Variants in ATP8A2 observed in about 807,000 individuals in gnomAD.
ATP8A2 encodes phospholipid-transporting ATPase IB.
In ATP8A2, 100 loss-of-function variants were observed where a neutral mutation model predicts 165.6. The ratio of observed to expected loss-of-function variants is 0.60; its 90% CI spans 0.51 to 0.71. ATP8A2 has a LOEUF of 0.71. Ranked by LOEUF, ATP8A2 falls within the 30% of genes least tolerant of loss-of-function variation. ATP8A2 has a pLI of 0.00. For synonymous variants in ATP8A2, 543 were observed against 548.8 expected, an observed-to-expected ratio of 0.99 and a Z score of 0.15; for missense variants, 1,227 against 1,479.5, an observed-to-expected ratio of 0.83 and a Z score of 2.80.
At position 26,024,543 on chromosome 13, in the gene ATP8A2, A is replaced by G. The variant is rs1957130809; in HGVS notation, c.*4558A>G. 1.3e-5 allele frequency: 2 copies of G among 152,286 alleles called. No homozygotes were observed. Among genetic ancestry groups the G allele is most frequent in the African/African-American group, 4.8e-5 (2 of 41,450 alleles). 9.4% of individuals were successfully genotyped at this position (152,286 alleles called of 1,614,324 possible). On this transcript the variant is annotated 3_prime_UTR_variant, in exon 37 of 37. Transcript: ENST00000381655. ...GAAGCCACAAACAAATGGGAGCAGAAAAGAAGGGCGAGCTCCCCCGCGCCG... is the reference window on the plus strand; with the variant it reads ...GAAGCCACAAACAAATGGGAGCAGAGAAGAAGGGCGAGCTCCCCCGCGCCG...
At position 25,372,201 on chromosome 13, in the gene ATP8A2, G is replaced by T. The variant is rs1443703302; in HGVS notation, c.-12G>T. On this transcript the variant is annotated 5_prime_UTR_variant, in exon 1 of 37. Coordinates refer to ENST00000381655, the MANE Select transcript of ATP8A2 (RefSeq NM_016529.6). This position sits in a 1 kb window ranked among gnomAD's most constrained non-coding sequence, Gnocchi z 4.8. ...TCTCGCCCGGGGCCGCCGAGCCCCC[G>T]ACACGGGCGAGATGCTGAACGGCGC... is the stretch of plus-strand genomic sequence containing the variant. 3 of 1,428,974 alleles carry T rather than the reference G, an allele frequency of 2.1e-6. No individual in the cohort carries two copies. Among genetic ancestry groups the T allele is most frequent in the Non-Finnish European group, 1.9e-6 (2 of 1,080,314 alleles). 88.5% of individuals were successfully genotyped at this position (1,428,974 alleles called of 1,614,324 possible). A position where few individuals can be genotyped will look rare whatever the true frequency, so the allele number is the denominator to read the frequency against.
intron 16 of ATP8A2, chr13:25,567,108 T>G: frequency 3.2e-6 from 1 of 309,522 alleles, no homozygotes; most frequent in Non-Finnish European, 6.4e-6. Flanking sequence ...GCTACTGGGA[T>G]TCTAGTGTTT....
At chr13:25,510,427 G>A (rs143954935) in intron 2 of ATP8A2, among the ~76,000 whole-genome samples, 40 of 152,294 alleles carry the variant, frequency 2.6e-4, no homozygotes, top group African/African-American at 9.6e-4. Flanking sequence ...GAGCAAATAC[G>A]TTTTAGAATA....
chr13:25,418,779 G>T (rs1253532814), intron 1 of ATP8A2, among the ~76,000 whole-genome samples: 2 of 152,126 alleles, frequency 1.3e-5, no homozygotes, highest in Non-Finnish European at 2.9e-5. Flanking sequence ...TATCGCAGAA[G>T]GGTGTGAGTT....
chr13:25,606,259 C>T (rs183802950), intron 24 of ATP8A2, among the ~76,000 whole-genome samples: 2 of 152,278 alleles, frequency 1.3e-5, no homozygotes, highest in Admixed American at 1.3e-4. Flanking sequence ...CCTGCCTTTC[C>T]TATTTGATGT....
intron 24 of ATP8A2, among the ~76,000 whole-genome samples, chr13:25,671,922 G>T (rs781248300): frequency 6.6e-6 from 1 of 152,136 alleles, no homozygotes; most frequent in Non-Finnish European, 1.5e-5. Context: ...AGCTTGTGGG[G>T]TATCACGGGA....
At chr13:25,912,579 G>A (rs1593547730) in intron 33 of ATP8A2, among the ~76,000 whole-genome samples, 1 of 152,086 alleles carries the variant, frequency 6.6e-6, no homozygotes, top group East Asian at 1.9e-4. Context: ...TTGATGTGAG[G>A]GATATATTAA....
intron 27 of ATP8A2, among the ~76,000 whole-genome samples, chr13:25,793,738 C>T (rs1311993594): frequency 3.9e-5 from 6 of 151,994 alleles, no homozygotes; most frequent in Non-Finnish European, 5.9e-5. Context: ...AACGAGATAG[C>T]AGAGAAATCC....
At chr13:25,920,913 C>CA (rs781135674) in intron 33 of ATP8A2, among the ~76,000 whole-genome samples, 59 of 152,018 alleles carry the variant, frequency 3.9e-4, no homozygotes, top group African/African-American at 8.2e-4. Flanking sequence ...ACTAAAAATA[C>CA]AAAAAAATTA....
At chr13:25,560,917 C>T (rs1187592160) in intron 15 of ATP8A2, among the ~76,000 whole-genome samples, 4 of 150,226 alleles carry the variant, frequency 2.7e-5, no homozygotes, top group Admixed American at 6.6e-5. Context: ...GACGGAGTCT[C>T]GCTCTGTTGC....
intron 33 of ATP8A2, among the ~76,000 whole-genome samples, chr13:25,868,896 C>T (rs1952598571): frequency 6.6e-6 from 1 of 151,816 alleles, no homozygotes; most frequent in Admixed American, 6.6e-5. Flanking sequence ...AGTGAAACCC[C>T]GTCTCTACTA....
At chr13:25,404,103 C>T (rs937744183) in intron 1 of ATP8A2, among the ~76,000 whole-genome samples, 1 of 152,146 alleles carries the variant, frequency 6.6e-6, no homozygotes, top group Non-Finnish European at 1.5e-5. Flanking sequence ...GAGACATGGG[C>T]TGATTGGTAA....
At chr13:25,547,545 AG>A (rs1259927951) in intron 10 of ATP8A2, among the ~76,000 whole-genome samples, 1 of 152,214 alleles carries the variant, frequency 6.6e-6, no homozygotes, top group Admixed American at 6.5e-5. Flanking sequence ...AGACAAGCTC[AG>A]GGCTCCCACT....
chr13:25,544,877 A>G lies in ATP8A2; in HGVS notation c.891+1475A>G, dbSNP rs920878934. ...TGGCTACGGGGGAGGGGCAGAAGGTAGTGTAGCCAAATGGCGTGAATTTTA... is the reference window on the plus strand; with the variant it reads ...TGGCTACGGGGGAGGGGCAGAAGGTGGTGTAGCCAAATGGCGTGAATTTTA... On this transcript the variant is annotated intron_variant, in intron 10 of 36. Transcript: ENST00000381655. Among the ~76,000 whole-genome samples, 11 of 147,788 alleles carry G rather than the reference A, an allele frequency of 7.4e-5. 1 individual carries two copies. The highest frequency in any genetic ancestry group is 6.7e-4 in the Admixed American group (10 of 14,878).
chr13:25,600,225 G>C (rs1360138008), intron 24 of ATP8A2, among the ~76,000 whole-genome samples: 1 of 152,202 alleles, frequency 6.6e-6, no homozygotes, highest in Non-Finnish European at 1.5e-5. Flanking sequence ...AGAAGTGATT[G>C]TCAAGGGAAT....
intron 1 of ATP8A2, among the ~76,000 whole-genome samples, chr13:25,394,639 C>T (rs2033358332): frequency 6.6e-6 from 1 of 152,054 alleles, no homozygotes; most frequent in Non-Finnish European, 1.5e-5. Flanking sequence ...ATATGTCACC[C>T]TGAAATATGC....
At chr13:25,528,920 G>C (rs927788383) in intron 2 of ATP8A2, among the ~76,000 whole-genome samples, 1 of 151,570 alleles carries the variant, frequency 6.6e-6, no homozygotes, top group African/African-American at 2.4e-5. Flanking sequence ...TTGGTGTGCT[G>C]CACCCATTAA....
intron 10 of ATP8A2, among the ~76,000 whole-genome samples, chr13:25,549,940 A>G (rs2038768288): frequency 6.6e-6 from 1 of 152,114 alleles, no homozygotes; most frequent in South Asian, 2.1e-4. Flanking sequence ...GTAATCCAGA[A>G]TAATCTCTCC....
intron 35 of ATP8A2, among the ~76,000 whole-genome samples, chr13:25,970,097 G>A (rs573227287): frequency 2.3e-3 from 346 of 152,266 alleles, no homozygotes; most frequent in African/African-American, 5.8e-3. Context: ...ACTCTTAACC[G>A]TTAAGTTTAG....
Sources: allele counts gnomAD v4.1 joint callset (sites outside exome capture counted in the v4.1 genomes callset), GRCh38; gene constraint gnomAD v4.1.1; non-coding constraint Gnocchi (gnomAD v3.1); transcripts MANE v1.5; gene names NCBI Gene and HGNC (gene_info 2026-07-23, HGNC 2026-07-21).